TSPAN18: variants seen among roughly 807,000 people sequenced by gnomAD.
TSPAN18 encodes the protein tetraspanin 18, also known as tetraspanin-18.
Under a neutral mutation model 27.3 loss-of-function variants are expected in TSPAN18, and 14 were observed. That is an observed-to-expected ratio of 0.51 (90% confidence interval 0.34 to 0.80). The LOEUF (loss-of-function observed/expected upper bound fraction) is 0.80. Among genes scored for constraint, TSPAN18 ranks in the 30% least tolerant of loss-of-function variants. The pLI is 0.01. For missense variants in TSPAN18, 268 were observed against 323.9 expected (o/e 0.83, Z 1.32); for synonymous variants, 143 against 136.5 (o/e 1.05, Z -0.33).
At chr11:44,742,103 C>A (rs1204830313) in intron 1 of TSPAN18, among the ~76,000 whole-genome samples, 1 of 152,186 alleles carries the variant, frequency 6.6e-6, no homozygotes, top group East Asian at 1.9e-4. Flanking sequence ...GATCACCCAG[C>A]AGGTGGAGGG....
upstream of TSPAN18, chr11:44,726,885 T>TGGGGAGGAGGAGGGAGGGCG (rs1554975314): frequency 9.1e-5 from 4 of 43,742 alleles, no homozygotes; most frequent in East Asian, 1.7e-3. Context: ...GGCGGAGGTT[T>TGGGGAGGAGGAGGGAGGGCG]GGGGAGGGGG....
chr11:44,748,039 G>A (rs1195849678), intron 1 of TSPAN18, among the ~76,000 whole-genome samples: 3 of 152,180 alleles, frequency 2.0e-5, no homozygotes, highest in African/African-American at 2.4e-5. Context: ...GATATGGGCC[G>A]AGTCACTCAG....
intron 1 of TSPAN18, among the ~76,000 whole-genome samples, chr11:44,734,716 C>T (rs1206430812): frequency 6.6e-6 from 1 of 152,140 alleles, no homozygotes; most frequent in Non-Finnish European, 1.5e-5. Flanking sequence ...GGATTTAGGC[C>T]CATCTTTTCA....
chr11:44,889,014 C>G (rs1858754439), intron 3 of TSPAN18, among the ~76,000 whole-genome samples: 2 of 152,210 alleles, frequency 1.3e-5, no homozygotes, highest in South Asian at 2.1e-4. Context: ...GTAGTTTTTC[C>G]TGTGCTCACA....
intron 3 of TSPAN18, among the ~76,000 whole-genome samples, chr11:44,878,170 G>T (rs138193742): frequency 7.9e-5 from 12 of 152,164 alleles, no homozygotes; most frequent in East Asian, 5.8e-4. Context: ...CACCCCAGGG[G>T]ACTCCTTCCC....
At chr11:44,851,619 C>G (rs978386917) in intron 2 of TSPAN18, among the ~76,000 whole-genome samples, 3 of 147,786 alleles carry the variant, frequency 2.0e-5, no homozygotes, top group Non-Finnish European at 3.0e-5. Flanking sequence ...GTCACCTCCC[C>G]CCCCCAACGG....
chr11:44,782,695 TAGAC>T (rs1396106222), intron 2 of TSPAN18, among the ~76,000 whole-genome samples: 8 of 152,378 alleles, frequency 5.3e-5, no homozygotes, highest in African/African-American at 1.9e-4. Context: ...TTTTGAGTTT[TAGAC>T]ATTCTAATAG....
chr11:44,823,169 C>T (rs558091411), intron 2 of TSPAN18, among the ~76,000 whole-genome samples: 1 of 152,354 alleles, frequency 6.6e-6, no homozygotes, highest in African/African-American at 2.4e-5. Flanking sequence ...CCCCCACTGC[C>T]CAGGCCTTGC....
At chr11:44,731,256 G>A (rs138824594) in intron 1 of TSPAN18, among the ~76,000 whole-genome samples, 3 of 152,228 alleles carry the variant, frequency 2.0e-5, no homozygotes, top group South Asian at 2.1e-4. Flanking sequence ...TCTGAGCCTC[G>A]GTTTCTCTAT....
intron 2 of TSPAN18, among the ~76,000 whole-genome samples, chr11:44,776,828 C>A (rs2134935521): frequency 6.6e-6 from 1 of 152,242 alleles, no homozygotes; most frequent in East Asian, 1.9e-4. Context: ...CATCCTAGGA[C>A]CTGGTTGAGT....
intron 2 of TSPAN18, among the ~76,000 whole-genome samples, chr11:44,785,594 C>T (rs1257458931): frequency 2.6e-5 from 4 of 151,868 alleles, no homozygotes; most frequent in Non-Finnish European, 5.9e-5. Context: ...AACTGCAGCC[C>T]CCTGTGAGTT....
rs74904597 is a variant in TSPAN18, at chr11:44,791,196, C to T, written c.-153+26684C>T. Among the ~76,000 whole-genome samples the T allele has an allele frequency of 3.8e-4, 58 of 152,260 alleles. No homozygotes were observed. In the East Asian group the frequency reaches 0.011, roughly 29 times the overall value. On this transcript the variant is annotated intron_variant, in intron 2 of 9. Transcript: ENST00000520358. Reference sequence around the variant, plus strand: ...CCTTTCTCAGTCTCCCCTCACACCACTGAATGGGGGCAGGGGCATCACCAG... The same window carrying T: ...CCTTTCTCAGTCTCCCCTCACACCATTGAATGGGGGCAGGGGCATCACCAG...
At position 44,731,840 on chromosome 11, in the gene TSPAN18, A is replaced by G. The variant is rs181546875; in HGVS notation, c.-240+4553A>G. ...CCTGGCTCCTGGCAGTTGAGGGATG[A>G]TATTTCATCAGCTAGCATTTGCCTG... On this transcript the variant is annotated intron_variant, in intron 1 of 9. Coordinates refer to ENST00000520358, the MANE Select transcript of TSPAN18 (RefSeq NM_130783.5). Among the ~76,000 whole-genome samples the G allele has an allele frequency of 1.8e-4, 28 of 152,204 alleles. No homozygotes were observed. In the East Asian group the frequency reaches 5.4e-3, roughly 29 times the overall value.
At chr11:44,772,672 A>G (rs111359647) in intron 2 of TSPAN18, among the ~76,000 whole-genome samples, 45 of 152,176 alleles carry the variant, frequency 3.0e-4, no homozygotes, top group African/African-American at 1.0e-3. Context: ...TTATTTATTT[A>G]TTTTGAGATG....
chr11:44,742,860 C>G (rs1049518704), intron 1 of TSPAN18, among the ~76,000 whole-genome samples: 1 of 152,220 alleles, frequency 6.6e-6, no homozygotes, highest in Non-Finnish European at 1.5e-5. Flanking sequence ...TCTTATGGGC[C>G]CTGGCTGGGG....
chr11:44,821,186 G>A (rs939945920), intron 2 of TSPAN18, among the ~76,000 whole-genome samples: 3 of 152,170 alleles, frequency 2.0e-5, no homozygotes, highest in African/African-American at 4.8e-5. Context: ...CACAGACATC[G>A]AACATTGCAA....
intron 3 of TSPAN18, among the ~76,000 whole-genome samples, chr11:44,877,763 G>T (rs547938497): frequency 2.0e-5 from 3 of 152,126 alleles, no homozygotes; most frequent in Admixed American, 6.5e-5. Flanking sequence ...AAATTCCCAG[G>T]CCTCCTAATT....
At chr11:44,754,368 C>T (rs920785745) in intron 1 of TSPAN18, among the ~76,000 whole-genome samples, 2 of 152,194 alleles carry the variant, frequency 1.3e-5, no homozygotes, top group Non-Finnish European at 2.9e-5. Context: ...AATACTGCTT[C>T]TCTCCGAGGC....
chr11:44,901,553 A>G (rs1206826165), intron 3 of TSPAN18, among the ~76,000 whole-genome samples: 1 of 152,238 alleles, frequency 6.6e-6, no homozygotes, highest in East Asian at 1.9e-4. Context: ...CATCCAAGTC[A>G]GGGCCTGGCA....
Sources: gnomAD v4.1 joint callset for allele counts (sites outside exome capture counted in the v4.1 genomes callset) on GRCh38, gnomAD v4.1.1 for gene constraint, MANE v1.5 for transcripts, NCBI Gene and HGNC (gene_info 2026-07-23, HGNC 2026-07-21) for gene names.